Variants in RANBP2 observed in about 807,000 individuals in gnomAD.
RANBP2 encodes the protein RAN binding protein 2.
Under a neutral mutation model 303.6 loss-of-function variants are expected in RANBP2, and 57 were observed. The ratio of observed to expected loss-of-function variants is 0.19; its 90% confidence interval spans 0.15 to 0.23. The LOEUF (loss-of-function observed/expected upper bound fraction) is 0.23. RANBP2 is among the 10% of genes least tolerant of loss of function. The pLI is 1.00. For synonymous variants in RANBP2, 1,167 were observed against 1,301.5 expected (o/e 0.90, Z 2.23); for missense variants, 3,138 against 3,780.8 (o/e 0.83, Z 4.46).
the RANBP2 span, among the ~76,000 whole-genome samples, chr2:109,522,613 C>A: frequency 8.4e-6 from 1 of 118,804 alleles, no homozygotes; most frequent in African/African-American, 3.9e-5. Context: ...CTTTTTTTTT[C>A]CAGGCTGGTC....
the RANBP2 span, among the ~76,000 whole-genome samples, chr2:108,973,433 C>A: frequency 6.6e-6 from 1 of 152,224 alleles, no homozygotes; most frequent in Admixed American, 6.5e-5. Context: ...GGGCTCAGTG[C>A]AGTGCTGGCT....
At chr2:108,815,725 C>G in the RANBP2 span, among the ~76,000 whole-genome samples, 2 of 152,068 alleles carry the variant, frequency 1.3e-5, no homozygotes, top group Non-Finnish European at 2.9e-5. Context: ...CTCAGCCTCC[C>G]AAAGTGGTGG....
At chr2:108,998,213 C>T in the RANBP2 span, among the ~76,000 whole-genome samples, 1 of 152,194 alleles carries the variant, frequency 6.6e-6, no homozygotes, top group Non-Finnish European at 1.5e-5. Flanking sequence ...ATGATCTCTT[C>T]TTCCTCTGTG....
At chr2:109,491,211 T>G in the RANBP2 span, among the ~76,000 whole-genome samples, 1 of 152,166 alleles carries the variant, frequency 6.6e-6, no homozygotes, top group Non-Finnish European at 1.5e-5. Context: ...ACCAAGTGTT[T>G]CTGAGTGCAA....
intron 20 of RANBP2, among the ~76,000 whole-genome samples, chr2:108,770,577 C>G (rs943639234): frequency 1.3e-5 from 2 of 152,156 alleles, no homozygotes; most frequent in South Asian, 4.1e-4. Flanking sequence ...ACTGTGATCA[C>G]ATCACTGCAC....
the RANBP2 span, among the ~76,000 whole-genome samples, chr2:109,233,101 G>A: frequency 6.6e-6 from 1 of 152,222 alleles, no homozygotes; most frequent in African/African-American, 2.4e-5. Context: ...GTGGCGAGGG[G>A]TGTGTTACAA....
the RANBP2 span, among the ~76,000 whole-genome samples, chr2:109,751,411 C>A: frequency 7.7e-5 from 11 of 142,914 alleles, no homozygotes; most frequent in African/African-American, 2.1e-4. Context: ...AACCACCCCC[C>A]ACCCCTGCCA....
At chr2:109,108,730 G>A in the RANBP2 span, among the ~76,000 whole-genome samples, 3 of 152,230 alleles carry the variant, frequency 2.0e-5, no homozygotes, top group Non-Finnish European at 4.4e-5. Flanking sequence ...CACATAGGGC[G>A]AGAGTGCCCA....
At chr2:109,587,604 C>T in the RANBP2 span, among the ~76,000 whole-genome samples, 2 of 152,032 alleles carry the variant, frequency 1.3e-5, no homozygotes, top group Admixed American at 6.6e-5. Flanking sequence ...CAGCAAACTG[C>T]TAAAAAACAA....
the RANBP2 span, among the ~76,000 whole-genome samples, chr2:109,604,340 A>G: frequency 9.7e-6 from 1 of 103,572 alleles, no homozygotes; most frequent in African/African-American, 3.3e-5. Context: ...GGGACCCCAT[A>G]GAAAGAAAGA....
chr2:109,431,179 A>G, the RANBP2 span, among the ~76,000 whole-genome samples: 7 of 152,168 alleles, frequency 4.6e-5, no homozygotes, highest in South Asian at 2.1e-4. Flanking sequence ...GGTGGGGTCT[A>G]TGAGCTTCCC....
At chr2:108,923,594 C>G in the RANBP2 span, 1 of 725,468 alleles carries the variant, frequency 1.4e-6, no homozygotes, top group East Asian at 2.6e-5. Context: ...GTCACCTGCT[C>G]TGTCCACTCA....
chr2:108,824,380 C>T, the RANBP2 span, among the ~76,000 whole-genome samples: 1 of 151,862 alleles, frequency 6.6e-6, no homozygotes, highest in Non-Finnish European at 1.5e-5. Context: ...TTTACTTTCT[C>T]GACTATTCTG....
chr2:109,007,346 T>C, the RANBP2 span, among the ~76,000 whole-genome samples: 3 of 152,234 alleles, frequency 2.0e-5, no homozygotes, highest in Admixed American at 2.0e-4. Context: ...CCATCAGTAG[T>C]GTGCTAAAGT....
chr2:109,630,308 A>C, the RANBP2 span, among the ~76,000 whole-genome samples: 5 of 152,190 alleles, frequency 3.3e-5, no homozygotes, highest in African/African-American at 9.7e-5. Flanking sequence ...ACAGGCAAAC[A>C]AACCAACCCA....
chr2:109,044,617 T>C, the RANBP2 span, among the ~76,000 whole-genome samples: 1 of 151,710 alleles, frequency 6.6e-6, no homozygotes, highest in African/African-American at 2.4e-5. Flanking sequence ...CTCATTCTGT[T>C]AAAATTTTAC....
the RANBP2 span, among the ~76,000 whole-genome samples, chr2:109,177,854 CA>C: frequency 6.6e-6 from 1 of 152,200 alleles, no homozygotes; most frequent in Non-Finnish European, 1.5e-5. Context: ...GCTTGTAGGT[CA>C]AGAACAAGTA....
At chr2:109,023,848 T>C in the RANBP2 span, among the ~76,000 whole-genome samples, 1 of 152,146 alleles carries the variant, frequency 6.6e-6, no homozygotes, top group Non-Finnish European at 1.5e-5. Context: ...AAAACTCTCT[T>C]AATTTCTACC....
intron 1 of RANBP2, among the ~76,000 whole-genome samples, chr2:108,722,938 C>T (rs1573675979): frequency 1.3e-5 from 2 of 152,274 alleles, no homozygotes; most frequent in South Asian, 4.1e-4. Flanking sequence ...TCTAGTTTTT[C>T]TTTTTCCAGA....
Sources: allele counts gnomAD v4.1 joint callset (sites outside exome capture counted in the v4.1 genomes callset), GRCh38; gene constraint gnomAD v4.1.1; transcripts MANE v1.5; gene names NCBI Gene and HGNC (gene_info 2026-07-23, HGNC 2026-07-21).